HM13: variants seen among roughly 807,000 people sequenced by gnomAD.
The protein encoded by HM13 is histocompatibility minor 13, also known as signal peptide peptidase.
A neutral mutation model predicts 50.0 loss-of-function variants in HM13; 18 were observed. The ratio of observed to expected loss-of-function variants is 0.36; its 90% confidence interval spans 0.25 to 0.53. The LOEUF (loss-of-function observed/expected upper bound fraction) is 0.53. Ranked by LOEUF, HM13 falls within the 20% of genes least tolerant of loss-of-function variation. The pLI is 0.90. For synonymous variants in HM13, 197 were observed against 232.6 expected (o/e 0.85, Z 1.39); for missense variants, 393 against 552.4 (o/e 0.71, Z 2.89).
At chr20:31,515,914 G>A (rs1981746880) in intron 1 of HM13, among the ~76,000 whole-genome samples, 1 of 152,158 alleles carries the variant, frequency 6.6e-6, no homozygotes, top group Non-Finnish European at 1.5e-5. Flanking sequence ...GGCCCACAAA[G>A]CAGCTGCCAC....
chr20:31,526,413 T>C (rs545145371), intron 1 of HM13, among the ~76,000 whole-genome samples: 171 of 152,290 alleles, frequency 1.1e-3, no homozygotes, highest in African/African-American at 4.1e-3. Context: ...CGCCTCGGCC[T>C]CCCAAAGTGC....
At chr20:31,528,109 T>A (rs1393528940) in intron 2 of HM13, 1 of 152,276 alleles carries the variant, frequency 6.6e-6, no homozygotes, top group East Asian at 1.9e-4. Flanking sequence ...GACCACATGG[T>A]GTATTCAGTT....
chr20:31,548,959 G>C, intron 4 of HM13, 70 bp from the exon 5 acceptor site: 3 of 1,360,268 alleles, frequency 2.2e-6, no homozygotes, highest in Non-Finnish European at 3.2e-6. Flanking sequence ...GCCCTCCTCC[G>C]TCCAGGGGCT....
intron 2 of HM13, among the ~76,000 whole-genome samples, chr20:31,535,095 AAAAG>A (rs1412239744): frequency 6.6e-6 from 1 of 152,128 alleles, no homozygotes; most frequent in African/African-American, 2.4e-5. Context: ...CAAAAAAAAA[AAAAG>A]AAGAAGAGGA....
chr20:31,562,674 T>G (rs1233746867), intron 10 of HM13: 1 of 152,240 alleles, frequency 6.6e-6, no homozygotes, highest in African/African-American at 2.4e-5. Context: ...TCACAAAAGC[T>G]GGGGTTTTTT....
intron 3 of HM13, chr20:31,541,878 G>A (rs1282045199): frequency 6.6e-6 from 1 of 152,252 alleles, no homozygotes; most frequent in African/African-American, 2.4e-5. Flanking sequence ...GGCTCAGAGG[G>A]GTTATGTAAC....
intron 10 of HM13, chr20:31,562,806 A>C (rs938637598): frequency 2.6e-5 from 4 of 152,268 alleles, no homozygotes; most frequent in East Asian, 3.8e-4. Context: ...AACCAAGAAC[A>C]ACCATTGTGG....
chr20:31,567,245 G>A (rs371019169), intron 11 of HM13, among the ~76,000 whole-genome samples: 10 of 152,288 alleles, frequency 6.6e-5, no homozygotes, highest in South Asian at 2.1e-4. Context: ...AGCAGGCATG[G>A]CACCCGATCC....
chr20:31,562,536 A>G (rs1984674215), intron 10 of HM13: 1 of 152,246 alleles, frequency 6.6e-6, no homozygotes, highest in African/African-American at 2.4e-5. Context: ...GCAGCATTGA[A>G]CAGGGGCTAA....
At chr20:31,522,587 C>G (rs763951595) in intron 1 of HM13, among the ~76,000 whole-genome samples, 1 of 148,334 alleles carries the variant, frequency 6.7e-6, no homozygotes, top group Non-Finnish European at 1.5e-5. Flanking sequence ...GACTCCTAAA[C>G]CCAGTCAGCA....
chr20:31,549,506 G>T (rs1294142472), intron 6 of HM13, among the ~76,000 whole-genome samples, 174 bp downstream of exon 6: 1 of 152,308 alleles, frequency 6.6e-6, no homozygotes, highest in African/African-American at 2.4e-5. Context: ...GCCAGAGAGA[G>T]CAGATTCTAC....
In HM13 at chr20:31,514,835, C is replaced by G; in HGVS notation, c.183+101C>G. 12 of 1,140,284 alleles carry G rather than the reference C, an allele frequency of 1.1e-5. No individual in the cohort carries two copies. Among genetic ancestry groups the G allele is most frequent in the Non-Finnish European group, 1.4e-5 (12 of 829,068 alleles). The allele number at this position is 1,140,284 out of a possible 1,614,324, so 70.6% of individuals were successfully genotyped here. A position where few individuals can be genotyped will look rare whatever the true frequency, so the allele number is the denominator to read the frequency against. On this transcript the variant is annotated intron_variant, in intron 1 of 12. Transcript: ENST00000398174. This position sits in a 1 kb window ranked among gnomAD's most constrained non-coding sequence, Gnocchi z 4.3. The stretch of plus-strand genomic sequence containing the variant: ...ACAGACACCTCTCCCCGGACACTGA[C>G]TCTTCCCAGCCCTGATCACCACCGT...
At chr20:31,521,063 T>G (rs183634560) in intron 1 of HM13, among the ~76,000 whole-genome samples, 142 of 152,346 alleles carry the variant, frequency 9.3e-4, no homozygotes, top group Admixed American at 4.0e-3. Context: ...TAATTGTGTT[T>G]TATGTTGCAG....
chr20:31,569,222 C>A lies in HM13; in HGVS notation c.*3C>A, dbSNP rs531534015. On this transcript the variant is annotated 3_prime_UTR_variant, in exon 13 of 13. Transcript: ENST00000398174. ...GGCTGGAGAAGAAAGAGAAATGATG[C>A]AGCTGGTGCCCGAGCCTCTCAGGGC... 4.5e-6 allele frequency: 7 copies of A among 1,565,008 alleles called. No individual in the cohort carries two copies. Among genetic ancestry groups the A allele is most frequent in the Non-Finnish European group, 6.1e-6 (7 of 1,150,780 alleles).
rs1195177298 is a variant in HM13, at chr20:31,559,637, T to G, written c.835T>G (p.Phe279Val). Residue 279 changes from phenylalanine (F) to valine (V), a missense_variant, in exon 9 of 13, where the codon TTT becomes GTT. Around this residue, in one of 3 missense-constraint regions of HM13, gnomAD observed 74 missense variants for 160.4 expected, o/e 0.46. Coordinates refer to ENST00000398174, the MANE Select transcript of HM13 (RefSeq NM_178581.3). ...PGIFIALLLRFDISLKKNTHT... is the reference protein window; with the variant it reads ...PGIFIALLLRVDISLKKNTHT... ...GATCTTCATTGCCTTGCTGCTGCGC[T>G]TTGACATCAGGTGAGTGAGTGAGGG... The G allele has an allele frequency of 2.5e-6, 4 of 1,614,030 alleles. No homozygotes were observed. In the African/African-American group the frequency reaches 4.0e-5, roughly 16 times the overall value.
intron 1 of HM13, among the ~76,000 whole-genome samples, chr20:31,524,977 T>C (rs1982403222): frequency 6.6e-6 from 1 of 152,084 alleles, no homozygotes; most frequent in South Asian, 2.1e-4. Context: ...CCTCCCAAAG[T>C]GCTGGGATTA....
At chr20:31,515,934 T>C (rs1377196535) in intron 1 of HM13, among the ~76,000 whole-genome samples, 1 of 152,156 alleles carries the variant, frequency 6.6e-6, no homozygotes, top group Non-Finnish European at 1.5e-5. Context: ...CTTTTGAAAC[T>C]GCTGAAGCTG....
At position 31,569,222 on chromosome 20, in the gene HM13, C is replaced by T. The variant is rs531534015; in HGVS notation, c.*3C>T. On this transcript the variant is annotated 3_prime_UTR_variant, in exon 13 of 13. Coordinates refer to ENST00000398174, the MANE Select transcript of HM13 (RefSeq NM_178581.3). ...GGCTGGAGAAGAAAGAGAAATGATG[C>T]AGCTGGTGCCCGAGCCTCTCAGGGC... The T allele has an allele frequency of 2.6e-6, 4 of 1,565,132 alleles. No individual in the cohort carries two copies. Among genetic ancestry groups the T allele is most frequent in the African/African-American group, 1.4e-5 (1 of 72,716 alleles).
chr20:31,546,084 C>T (rs1479862200), intron 4 of HM13, among the ~76,000 whole-genome samples: 7 of 139,890 alleles, frequency 5.0e-5, no homozygotes, highest in Admixed American at 7.6e-5. Context: ...GGGTCTCGCT[C>T]TGTCGCCCAG....
Sources: gnomAD v4.1 joint callset for allele counts (sites outside exome capture counted in the v4.1 genomes callset) on GRCh38, gnomAD v4.1.1 for gene constraint, gnomAD v4.1.1 regional missense constraint, Gnocchi (gnomAD v3.1) non-coding constraint, MANE v1.5 for transcripts, NCBI Gene and HGNC (gene_info 2026-07-23, HGNC 2026-07-21) for gene names.